The following NPNT variants were observed in gnomAD, a reference collection of about 807,000 sequenced individuals.
NPNT encodes the protein nephronectin.
NPNT carries 45 observed loss-of-function variants against 68.6 expected under a neutral mutation model. The ratio of observed to expected loss-of-function variants is 0.66; its 90% CI spans 0.52 to 0.84. The LOEUF (loss-of-function observed/expected upper bound fraction) is 0.84, where lower values mean the gene tolerates loss of function less well. NPNT is among the 40% of genes least tolerant of loss of function. The pLI, the probability that NPNT is intolerant of heterozygous loss-of-function variation, is 0.00. For missense variants in NPNT, 672 were observed against 714.8 expected (o/e 0.94, Z 0.68); for synonymous variants, 233 against 253.3 (o/e 0.92, Z 0.76).
At position 105,950,131 on chromosome 4, in the gene NPNT, C is replaced by A. The variant is rs1730701436; in HGVS notation, c.1159+7429C>A. On this transcript the variant is annotated intron_variant, in intron 8 of 11. Coordinates refer to ENST00000379987, the MANE Select transcript of NPNT (RefSeq NM_001033047.3). ...TTGGACATACTGAGTTTTAAAAATT[C>A]ATTGAAGGTTTTATTAACTTCTATT... Among the ~76,000 whole-genome samples the A allele has an allele frequency of 2.0e-5, 3 of 152,136 alleles. 1 individual carries two copies. Among genetic ancestry groups the A allele is most frequent in the South Asian group, 4.1e-4 (2 of 4,830 alleles).
chr4:105,957,601 T>C (rs1731341315), intron 8 of NPNT, among the ~76,000 whole-genome samples: 1 of 152,098 alleles, frequency 6.6e-6, no homozygotes, highest in African/African-American at 2.4e-5. Context: ...AAATAAGACA[T>C]GATTGATGCC....
At chr4:105,904,149 C>T (rs1726673500) in intron 2 of NPNT, among the ~76,000 whole-genome samples, 1 of 152,104 alleles carries the variant, frequency 6.6e-6, no homozygotes, top group South Asian at 2.1e-4. Context: ...ATTAGCAAGT[C>T]TCTTACTGAT....
At chr4:105,901,264 A>G (rs1726396666) in intron 2 of NPNT, among the ~76,000 whole-genome samples, 1 of 152,224 alleles carries the variant, frequency 6.6e-6, no homozygotes, top group Non-Finnish European at 1.5e-5. Flanking sequence ...ACTGAGTTCA[A>G]GTTCTGACTT....
chr4:105,912,061 TCAGAAAA>T, intron 2 of NPNT: 1 of 676,778 alleles, frequency 1.5e-6, no homozygotes, highest in Non-Finnish European at 2.6e-6. Flanking sequence ...TTTTTTTGTT[TCAGAAAA>T]GCACTGAAAG....
At chr4:105,901,637 C>A (rs1416843370) in intron 2 of NPNT, among the ~76,000 whole-genome samples, 1 of 152,158 alleles carries the variant, frequency 6.6e-6, no homozygotes, top group African/African-American at 2.4e-5. Context: ...GGTTTTGTAT[C>A]ATTTATCCTT....
chr4:105,928,926 GAC>G (rs543555609), intron 3 of NPNT, among the ~76,000 whole-genome samples: 522 of 41,924 alleles, frequency 0.012, 4 homozygotes, highest in African/African-American at 0.029. Context: ...ATGATTTATA[GAC>G]ACAGTTTTTT....
chr4:105,940,094 A>G lies in NPNT; in HGVS notation c.525A>G (p.Thr175=). The G allele has an allele frequency of 3.1e-6, 5 of 1,613,448 alleles. No homozygotes were observed. The highest frequency in any genetic ancestry group is 4.2e-6 in the Non-Finnish European group (5 of 1,179,500). ...RTCVDVDECA[T]GRASCPRFRQ... Reference sequence around the variant, plus strand: ...TTCTAGATGTTGATGAATGTGCTACAGGAAGAGCCTCCTGCCCTAGATTTA... The same window carrying G: ...TTCTAGATGTTGATGAATGTGCTACGGGAAGAGCCTCCTGCCCTAGATTTA... The change falls in exon 6 of 12, where the codon ACA becomes ACG. Residue 175 remains threonine (T), a synonymous_variant. Coordinates refer to ENST00000379987, the MANE Select transcript of NPNT (RefSeq NM_001033047.3).
In NPNT at chr4:105,928,690, A is replaced by T. The variant is rs140290679; in HGVS notation, c.265+1262A>T. Among the ~76,000 whole-genome samples the T allele has an allele frequency of 2.4e-4, 37 of 152,104 alleles. 1 individual carries two copies. The East Asian group carries it at 4.8e-3, about 20-fold the overall frequency. On this transcript the variant is annotated intron_variant, in intron 3 of 11. Transcript: ENST00000379987. Reference sequence around the variant, plus strand: ...AAAGATTAGGGTTAGATTTCACTAAATAGATAAGTGTCAAAAATAAAAAAG... The same window carrying T: ...AAAGATTAGGGTTAGATTTCACTAATTAGATAAGTGTCAAAAATAAAAAAG...
At position 105,895,785 on chromosome 4, in the gene NPNT, G is replaced by A. The variant is rs558338990; in HGVS notation, c.71+62G>A. The A allele has an allele frequency of 1.2e-5, 17 of 1,402,648 alleles. No homozygotes were observed. The South Asian group carries it at 1.4e-4, about 11-fold the overall frequency. The allele number at this position is 1,402,648 out of a possible 1,614,324, so 86.9% of individuals were successfully genotyped here. On this transcript the variant is annotated intron_variant, in intron 1 of 11. Coordinates refer to ENST00000379987, the MANE Select transcript of NPNT (RefSeq NM_001033047.3). ...GCGCTAATTTCACACTCACTGTCTTGGGTCACTTTTCCCCGCGGGGTTTCG... is the reference window on the plus strand; with the variant it reads ...GCGCTAATTTCACACTCACTGTCTTAGGTCACTTTTCCCCGCGGGGTTTCG...
chr4:105,967,129 C>T (rs750186786), intron 10 of NPNT, 59 bp from the exon 11 acceptor site: 195 of 1,499,946 alleles, frequency 1.3e-4, no homozygotes, highest in Non-Finnish European at 1.7e-4. Context: ...CCTGTCCATG[C>T]TGCTTGTTCT....
intron 7 of NPNT, 96 bp downstream of exon 7, chr4:105,940,732 A>C (rs972341037): frequency 1.8e-6 from 2 of 1,103,106 alleles, no homozygotes; most frequent in Non-Finnish European, 2.6e-6. Flanking sequence ...AGATTATCAA[A>C]GAAGTATAAT....
At chr4:105,957,544 C>T (rs1267911170) in intron 8 of NPNT, among the ~76,000 whole-genome samples, 4 of 152,134 alleles carry the variant, frequency 2.6e-5, no homozygotes, top group Non-Finnish European at 5.9e-5. Context: ...ACTTAGTAAA[C>T]ACTTATTGAG....
chr4:105,958,566 T>A lies in NPNT; in HGVS notation c.1246+9T>A. 6.8e-7 allele frequency: 1 copy of A among 1,470,122 alleles called. No individual in the cohort carries two copies. Among genetic ancestry groups the A allele is most frequent in the Non-Finnish European group, 9.5e-7 (1 of 1,053,036 alleles). 91.1% of individuals were successfully genotyped at this position (1,470,122 alleles called of 1,614,324 possible). A position where few individuals can be genotyped will look rare whatever the true frequency, so the allele number is the denominator to read the frequency against. On this transcript the variant is annotated intron_variant, in intron 9 of 11. Coordinates refer to ENST00000379987, the MANE Select transcript of NPNT (RefSeq NM_001033047.3). ...AGCAAAGGATGATCCAGGTGACACTTACACTCTTAGTGCCATCATAATGAC... is the reference window on the plus strand; with the variant it reads ...AGCAAAGGATGATCCAGGTGACACTAACACTCTTAGTGCCATCATAATGAC...
intron 8 of NPNT, among the ~76,000 whole-genome samples, chr4:105,946,166 T>C (rs1578658475): frequency 1.3e-5 from 2 of 152,330 alleles, no homozygotes; most frequent in East Asian, 3.9e-4. Flanking sequence ...ATGTTTCCTG[T>C]AAGTATAAAC....
At chr4:105,946,455 G>C (rs373350721) in intron 8 of NPNT, among the ~76,000 whole-genome samples, 1 of 152,054 alleles carries the variant, frequency 6.6e-6, no homozygotes, top group Non-Finnish European at 1.5e-5. Flanking sequence ...AGGGGAACCC[G>C]CCCCCAATAT....
At chr4:105,958,954 C>G in intron 9 of NPNT, 74 bp from the exon 10 acceptor site, 2 of 913,988 alleles carry the variant, frequency 2.2e-6, no homozygotes, top group Non-Finnish European at 3.7e-6. Flanking sequence ...TCTAGATACC[C>G]CTAGTTCATA....
chr4:105,968,811 A>T, intron 11 of NPNT, 84 bp from the exon 12 acceptor site: 1 of 718,072 alleles, frequency 1.4e-6, no homozygotes, highest in South Asian at 2.0e-5. Context: ...GGTTTGGGGG[A>T]AGGTTTGCCT....
At chr4:105,908,421 A>G (rs970208307) in intron 2 of NPNT, among the ~76,000 whole-genome samples, 1 of 152,192 alleles carries the variant, frequency 6.6e-6, no homozygotes, top group African/African-American at 2.4e-5. Context: ...TGCCTTTTGT[A>G]GATGTTATTC....
At chr4:105,924,858 T>G (rs530493934) in intron 2 of NPNT, among the ~76,000 whole-genome samples, 1 of 152,192 alleles carries the variant, frequency 6.6e-6, no homozygotes, top group East Asian at 1.9e-4. Context: ...TTTGAGAGAG[T>G]TTTCCAAATT....
Sources: allele counts gnomAD v4.1 joint callset (sites outside exome capture counted in the v4.1 genomes callset), GRCh38; gene constraint gnomAD v4.1.1; transcripts MANE v1.5; gene names NCBI Gene and HGNC (gene_info 2026-07-23, HGNC 2026-07-21).